DNMT3A: variants seen among roughly 807,000 people sequenced by gnomAD.
The protein encoded by DNMT3A is DNA methyltransferase 3 alpha, also known as DNA (cytosine-5)-methyltransferase 3A.
A neutral mutation model predicts 117.6 loss-of-function variants in DNMT3A; 267 were observed. The ratio of observed to expected loss-of-function variants is 2.27; its 90% CI spans 2.05 to 2.51. DNMT3A has a LOEUF of 2.51. Ranked by LOEUF, DNMT3A falls within the 30% of genes most tolerant of loss-of-function variation. The probability of loss-of-function intolerance (pLI) is 0.00; values close to 1 mark genes in which losing one functional copy is unlikely to be tolerated. For missense variants in DNMT3A, 1,029 were observed against 1,260.2 expected, an observed-to-expected ratio of 0.82 and a Z score of 2.78; for synonymous variants, 432 against 474.8, an observed-to-expected ratio of 0.91 and a Z score of 1.17.
chr2:25,316,231 G>A (rs866088859), intron 1 of DNMT3A, among the ~76,000 whole-genome samples: 1 of 152,228 alleles, frequency 6.6e-6, no homozygotes, highest in African/African-American at 2.4e-5. Flanking sequence ...TGCCGCCACG[G>A]GTGTGGCGAG....
At chr2:25,328,620 C>T (rs555398925) in intron 1 of DNMT3A, 14 of 505,106 alleles carry the variant, frequency 2.8e-5, no homozygotes, top group East Asian at 5.8e-5. Flanking sequence ...AACCCCGTTC[C>T]GGGTGACCCT....
Position 25,247,425 on chromosome 2 carries a change from G to A in DNMT3A, c.1014+166C>T, listed in dbSNP as rs1312789613. The A allele has an allele frequency of 2.7e-6, 3 of 1,124,392 alleles. No homozygotes were observed. The highest frequency in any genetic ancestry group is 3.7e-6 in the Non-Finnish European group (3 of 804,160). The allele number at this position is 1,124,392 out of a possible 1,614,324, so 69.7% of individuals were successfully genotyped here. On this transcript the variant is annotated intron_variant, in intron 8 of 22. Coordinates refer to ENST00000321117, the MANE Select transcript of DNMT3A (RefSeq NM_022552.5). The surrounding 1 kb of genome is among the most constrained non-coding windows in gnomAD (Gnocchi z 5.6). Reference sequence around the variant, plus strand: ...CATCCTAGCTCTCTGAGCCACAGGTGCAACCTAATTATCCCTACAGCTTCT... The same window carrying A: ...CATCCTAGCTCTCTGAGCCACAGGTACAACCTAATTATCCCTACAGCTTCT...
chr2:25,240,405 T>TCATGCA lies in DNMT3A; in HGVS notation c.2213_2218dup (p.His739_Asp740insValHis). On this transcript the variant is annotated inframe_insertion, in exon 19 of 23. Transcript: ENST00000321117. The stretch of plus-strand genomic sequence containing the variant: ...ATCATCTCCCTCCTTGGGCCGCGCA[T>TCATGCA]CATGCAGGAGGCGGTAGAACTCAAA... 1 of 1,613,776 alleles carries TCATGCA rather than the reference T, an allele frequency of 6.2e-7. No homozygotes were observed.
At chr2:25,264,371 C>T (rs1269092958) in intron 6 of DNMT3A, among the ~76,000 whole-genome samples, 1 of 152,004 alleles carries the variant, frequency 6.6e-6, no homozygotes, top group Non-Finnish European at 1.5e-5. Flanking sequence ...AATTCCTGGC[C>T]TCAAGAGATC....
chr2:25,314,349 T>A (rs899915840), intron 1 of DNMT3A, 188 bp from the exon 2 acceptor site: 1 of 985,200 alleles, frequency 1.0e-6, no homozygotes, highest in Non-Finnish European at 1.2e-6. Flanking sequence ...CCCAGCAGCC[T>A]CTGAGAGCCT....
Position 25,236,210 on chromosome 2 carries a change from C to T in DNMT3A, c.2479-385G>A, listed in dbSNP as rs763755217. The stretch of plus-strand genomic sequence containing the variant: ...ACTCCTGAGTAGCTGGGACTACAGG[C>T]GCCCGCCACCATGCCTGGCTAATTT... On this transcript the variant is annotated intron_variant, in intron 21 of 22. Coordinates refer to ENST00000321117, the MANE Select transcript of DNMT3A (RefSeq NM_022552.5). The surrounding 1 kb of genome is among the most constrained non-coding windows in gnomAD (Gnocchi z 4.5). Among the ~76,000 whole-genome samples the T allele has an allele frequency of 1.4e-4, 22 of 152,268 alleles. No homozygotes were observed. Among genetic ancestry groups the T allele is most frequent in the Admixed American group, 7.8e-4 (12 of 15,298 alleles).
chr2:25,341,791 C>G, intron 1 of DNMT3A, 35 bp downstream of exon 1: 8 of 979,466 alleles, frequency 8.2e-6, no homozygotes, highest in Non-Finnish European at 9.7e-6. Flanking sequence ...GCCTCCGGGC[C>G]GGCCTTCCGG....
intron 3 of DNMT3A, among the ~76,000 whole-genome samples, chr2:25,288,671 T>G (rs2032510792): frequency 6.6e-6 from 1 of 152,220 alleles, no homozygotes; most frequent in Non-Finnish European, 1.5e-5. Flanking sequence ...TTTACCATTT[T>G]AACCATTTTC....
chr2:25,229,893 T>C lies in DNMT3A; in HGVS notation c.*4386A>G, dbSNP rs2149244495. 1 of 152,340 alleles carries C rather than the reference T, an allele frequency of 6.6e-6. No homozygotes were observed. Among genetic ancestry groups the C allele is most frequent in the Non-Finnish European group, 1.5e-5 (1 of 68,026 alleles). The allele number at this position is 152,340 out of a possible 1,614,324, so 9.4% of individuals were successfully genotyped here. A position where few individuals can be genotyped will look rare whatever the true frequency, so the allele number is the denominator to read the frequency against. ...TCCTTCTACTGCTGGAGAAGGTGGG[T>C]GTTCCCATCTAGGCTTCCCCAGAGT... On this transcript the variant is annotated 3_prime_UTR_variant, in exon 23 of 23. Transcript: ENST00000321117.
At chr2:25,246,829 TG>T (rs2149304047) in intron 9 of DNMT3A, 53 bp from the exon 10 acceptor site, 1 of 1,597,822 alleles carries the variant, frequency 6.3e-7, no homozygotes, top group East Asian at 2.2e-5. Context: ...GGAAGGCAGA[TG>T]GGTCAGGCTC....
chr2:25,282,237 A>C lies in DNMT3A; in HGVS notation c.448+204T>G. Reference sequence around the variant, plus strand: ...TTTAAATACTGGCAACTAATTTTTTAAATGTTTAAAACACTCTATGGGCCA... The same window carrying C: ...TTTAAATACTGGCAACTAATTTTTTCAATGTTTAAAACACTCTATGGGCCA... On this transcript the variant is annotated intron_variant, in intron 4 of 22. Coordinates refer to ENST00000321117, the MANE Select transcript of DNMT3A (RefSeq NM_022552.5). The surrounding 1 kb of genome is among the most constrained non-coding windows in gnomAD (Gnocchi z 5.2). 8.0e-7 allele frequency: 1 copy of C among 1,252,790 alleles called. No homozygotes were observed. Among genetic ancestry groups the C allele is most frequent in the Non-Finnish European group, 1.0e-6 (1 of 997,248 alleles). 77.6% of individuals were successfully genotyped at this position (1,252,790 alleles called of 1,614,324 possible). A position where few individuals can be genotyped will look rare whatever the true frequency, so the allele number is the denominator to read the frequency against.
At chr2:25,303,158 C>G (rs2033608985) in intron 2 of DNMT3A, among the ~76,000 whole-genome samples, 1 of 152,230 alleles carries the variant, frequency 6.6e-6, no homozygotes, top group Non-Finnish European at 1.5e-5. Flanking sequence ...GCATTTGTGA[C>G]AGAGGGAGTC....
chr2:25,249,782 GA>G, intron 6 of DNMT3A: 1 of 1,589,372 alleles, frequency 6.3e-7, no homozygotes, highest in South Asian at 1.1e-5. Flanking sequence ...GCCTTTTACT[GA>G]ATCTAGGAAA....
At chr2:25,329,061 C>T (rs1462138006) in intron 1 of DNMT3A, among the ~76,000 whole-genome samples, 2 of 152,230 alleles carry the variant, frequency 1.3e-5, no homozygotes, top group Non-Finnish European at 2.9e-5. Flanking sequence ...GCTCGTCCCC[C>T]ACCACCCCAA....
chr2:25,290,904 G>A (rs999614397), intron 3 of DNMT3A, among the ~76,000 whole-genome samples: 1 of 152,148 alleles, frequency 6.6e-6, no homozygotes, highest in Admixed American at 6.5e-5. Context: ...AGATGCAGGG[G>A]CGACCTCACC....
chr2:25,250,380 C>G (rs552704518), intron 6 of DNMT3A, among the ~76,000 whole-genome samples: 31 of 152,318 alleles, frequency 2.0e-4, no homozygotes, highest in Admixed American at 1.8e-3. Context: ...AATTCTAAAA[C>G]AGGATAATGC....
At chr2:25,333,848 G>C (rs1456848405) in intron 1 of DNMT3A, among the ~76,000 whole-genome samples, 3 of 152,172 alleles carry the variant, frequency 2.0e-5, no homozygotes, top group African/African-American at 4.8e-5. Flanking sequence ...TCTTATCCCC[G>C]ATTTACAGAT....
intron 1 of DNMT3A, among the ~76,000 whole-genome samples, chr2:25,330,378 A>G (rs2034970777): frequency 6.6e-6 from 1 of 152,016 alleles, no homozygotes; most frequent in Non-Finnish European, 1.5e-5. Flanking sequence ...AGCCAGAGAC[A>G]GCCCGACTCC....
chr2:25,236,521 C>T lies in DNMT3A; in HGVS notation c.2478+415G>A, dbSNP rs1237009115. 6.6e-6 allele frequency among the ~76,000 whole-genome samples: 1 copy of T among 152,182 alleles called. No individual in the cohort carries two copies. Among genetic ancestry groups the T allele is most frequent in the Non-Finnish European group, 1.5e-5 (1 of 68,034 alleles). ...TCGGAGCTGCCAGTGGTTCTGAATG[C>T]TGGAACCTGCTGACACAGAACCCAG... is the stretch of plus-strand genomic sequence containing the variant. On this transcript the variant is annotated intron_variant, in intron 21 of 22. Coordinates refer to ENST00000321117, the MANE Select transcript of DNMT3A (RefSeq NM_022552.5). The surrounding 1 kb of genome is among the most constrained non-coding windows in gnomAD (Gnocchi z 4.5).
Sources: gnomAD v4.1 joint callset for allele counts (sites outside exome capture counted in the v4.1 genomes callset) on GRCh38, gnomAD v4.1.1 for gene constraint, Gnocchi (gnomAD v3.1) non-coding constraint, MANE v1.5 for transcripts, NCBI Gene and HGNC (gene_info 2026-07-23, HGNC 2026-07-21) for gene names.